Variants in NUDCD3 observed in about 807,000 individuals in gnomAD.
NUDCD3 encodes the protein NudC domain containing 3, also known as nudC domain-containing protein 3.
NUDCD3 carries 13 observed loss-of-function variants against 39.7 expected under a neutral mutation model. The observed-to-expected ratio is 0.33, with a 90% CI of 0.21 to 0.52. NUDCD3 has a LOEUF of 0.52. Among genes scored for constraint, NUDCD3 ranks in the 20% least tolerant of loss-of-function variants. NUDCD3 has a pLI of 0.96. For missense variants in NUDCD3, 453 were observed against 458.1 expected, an observed-to-expected ratio of 0.99 and a Z score of 0.10; for synonymous variants, 175 against 172.4, an observed-to-expected ratio of 1.02 and a Z score of -0.12.
intron 2 of NUDCD3, among the ~76,000 whole-genome samples, chr7:44,467,064 G>A (rs1800132202): frequency 6.6e-6 from 1 of 152,188 alleles, no homozygotes; most frequent in South Asian, 2.1e-4. Context: ...ACCCTCACCA[G>A]CCCCCCGTGG....
chr7:44,432,357 G>A (rs1040001465), intron 2 of NUDCD3, among the ~76,000 whole-genome samples: 1 of 152,190 alleles, frequency 6.6e-6, no homozygotes, highest in African/African-American at 2.4e-5. Context: ...AGTAAAAGGA[G>A]GTCAAAGACC....
chr7:44,469,115 C>CAAAAAAAAAAAAAA (rs756247647), intron 2 of NUDCD3, among the ~76,000 whole-genome samples: 3 of 32,842 alleles, frequency 9.1e-5, no homozygotes, highest in Non-Finnish European at 1.6e-4. Context: ...ACAAACAAAC[C>CAAAAAAAAAAAAAA]AAAAAAAAAA....
intron 2 of NUDCD3, among the ~76,000 whole-genome samples, chr7:44,454,320 C>T (rs986682401): frequency 6.6e-6 from 1 of 152,090 alleles, no homozygotes; most frequent in Admixed American, 6.5e-5. Flanking sequence ...GCCTGGGTGA[C>T]GGAGTGAGAC....
At chr7:44,426,583 T>A (rs1585070862) in intron 3 of NUDCD3, among the ~76,000 whole-genome samples, 1 of 151,760 alleles carries the variant, frequency 6.6e-6, no homozygotes, top group Non-Finnish European at 1.5e-5. Context: ...GATCACGAGG[T>A]CAGGAGATCG....
At chr7:44,417,161 G>A (rs1799043133) in intron 3 of NUDCD3, among the ~76,000 whole-genome samples, 1 of 152,190 alleles carries the variant, frequency 6.6e-6, no homozygotes, top group African/African-American at 2.4e-5. Context: ...CAGCCCACAC[G>A]TTTAGAAAAC....
chr7:44,449,273 C>T (rs988702172), intron 2 of NUDCD3, among the ~76,000 whole-genome samples: 9 of 152,196 alleles, frequency 5.9e-5, no homozygotes, highest in African/African-American at 2.2e-4. Context: ...AAGCCAAACA[C>T]ATGTGTTTCA....
intron 3 of NUDCD3, among the ~76,000 whole-genome samples, chr7:44,416,016 T>C (rs1799014356): frequency 6.6e-6 from 1 of 152,116 alleles, no homozygotes; most frequent in Non-Finnish European, 1.5e-5. Flanking sequence ...TTTCCAAAGT[T>C]TTAAGTGAGG....
intron 2 of NUDCD3, among the ~76,000 whole-genome samples, chr7:44,479,920 A>G (rs1800452905): frequency 6.6e-6 from 1 of 152,242 alleles, no homozygotes; most frequent in Admixed American, 6.5e-5. Context: ...CATTTCAGGT[A>G]TAACTAGAGA....
chr7:44,477,570 A>G (rs1200101982), intron 2 of NUDCD3, among the ~76,000 whole-genome samples: 1 of 152,158 alleles, frequency 6.6e-6, no homozygotes, highest in Non-Finnish European at 1.5e-5. Context: ...GAAAGTTGAC[A>G]CTGACGGCCC....
intron 2 of NUDCD3, chr7:44,468,059 A>C (rs1800160331): frequency 6.2e-7 from 1 of 1,612,830 alleles, no homozygotes; most frequent in Non-Finnish European, 8.5e-7. Context: ...CCAGATCTTG[A>C]TGCCCAACAT....
chr7:44,467,601 G>A (rs567138354), intron 2 of NUDCD3, among the ~76,000 whole-genome samples: 20 of 151,940 alleles, frequency 1.3e-4, no homozygotes, highest in African/African-American at 4.1e-4. Flanking sequence ...CGGCAGGGAC[G>A]AGGCAAAAGA....
chr7:44,486,581 T>G (rs1800614975), intron 1 of NUDCD3, among the ~76,000 whole-genome samples: 1 of 152,126 alleles, frequency 6.6e-6, no homozygotes, highest in African/African-American at 2.4e-5. Flanking sequence ...CCAGAACCAT[T>G]TTTACTTCTG....
At chr7:44,453,783 C>T (rs915197428) in intron 2 of NUDCD3, among the ~76,000 whole-genome samples, 2 of 152,322 alleles carry the variant, frequency 1.3e-5, no homozygotes, top group African/African-American at 4.8e-5. Flanking sequence ...GTGGCTCACA[C>T]CTGTAATCCC....
chr7:44,392,993 T>C (rs1326208437), intron 4 of NUDCD3, among the ~76,000 whole-genome samples: 3 of 152,096 alleles, frequency 2.0e-5, no homozygotes, highest in Non-Finnish European at 4.4e-5. Flanking sequence ...CATTCTGCTA[T>C]CTTAGGGGTA....
At chr7:44,488,354 A>AAAT (rs1800661461) in intron 1 of NUDCD3, among the ~76,000 whole-genome samples, 1 of 151,582 alleles carries the variant, frequency 6.6e-6, no homozygotes, top group Non-Finnish European at 1.5e-5. Context: ...AAAAAAAAAA[A>AAAT]AAAGAAAGAA....
At chr7:44,468,666 C>T (rs547603028) in intron 2 of NUDCD3, among the ~76,000 whole-genome samples, 1 of 152,192 alleles carries the variant, frequency 6.6e-6, no homozygotes, top group African/African-American at 2.4e-5. Context: ...ACTAACACAG[C>T]AGGCCCAGCT....
intron 3 of NUDCD3, among the ~76,000 whole-genome samples, chr7:44,418,823 G>A (rs891887048): frequency 6.6e-6 from 1 of 152,220 alleles, no homozygotes; most frequent in Non-Finnish European, 1.5e-5. Context: ...AGTGCAAGGA[G>A]CAGGGGGCCT....
At chr7:44,425,525 T>C (rs11764438) in intron 3 of NUDCD3, among the ~76,000 whole-genome samples, 20,568 of 152,168 alleles carry the variant, frequency 0.14, 1,722 homozygotes, top group Non-Finnish European at 0.19. Context: ...ATGATAATGT[T>C]ATTCTTATCA....
At chr7:44,453,786 G>C (rs1325960567) in intron 2 of NUDCD3, among the ~76,000 whole-genome samples, 2 of 152,230 alleles carry the variant, frequency 1.3e-5, no homozygotes, top group African/African-American at 4.8e-5. Flanking sequence ...GCTCACACCT[G>C]TAATCCCAGT....
Sources: allele counts gnomAD v4.1 joint callset (sites outside exome capture counted in the v4.1 genomes callset), GRCh38; gene constraint gnomAD v4.1.1; transcripts MANE v1.5; gene names NCBI Gene and HGNC (gene_info 2026-07-23, HGNC 2026-07-21).